NDST3: variants seen among roughly 807,000 people sequenced by gnomAD.
NDST3 encodes the protein N-deacetylase and N-sulfotransferase 3.
NDST3 carries 58 observed loss-of-function variants against 96.1 expected under a neutral mutation model. That is an observed-to-expected ratio of 0.60 (90% confidence interval 0.49 to 0.75). NDST3 has a LOEUF of 0.75. Among genes scored for constraint, NDST3 ranks in the 30% least tolerant of loss-of-function variants. NDST3 has a pLI of 0.00. For missense variants in NDST3, 788 were observed against 1,034.2 expected, an observed-to-expected ratio of 0.76 and a Z score of 3.27; for synonymous variants, 333 against 359.7, an observed-to-expected ratio of 0.93 and a Z score of 0.84.
intron 6 of NDST3, among the ~76,000 whole-genome samples, chr4:118,196,564 T>A (rs1737703177): frequency 6.6e-6 from 1 of 152,202 alleles, no homozygotes; most frequent in African/African-American, 2.4e-5. Flanking sequence ...TTCTTCATGG[T>A]TCAATCTTGG....
intron 2 of NDST3, among the ~76,000 whole-genome samples, chr4:118,057,918 A>G (rs192035849): frequency 2.6e-5 from 4 of 152,202 alleles, no homozygotes. Flanking sequence ...CAGGACTGAG[A>G]GTATTTGTTG....
chr4:118,054,041 C>G lies in NDST3; in HGVS notation c.131C>G (p.Ser44Cys). The G allele has an allele frequency of 6.2e-7, 1 of 1,612,936 alleles. No individual in the cohort carries two copies. The highest frequency in any genetic ancestry group is 8.5e-7 in the Non-Finnish European group (1 of 1,179,246). Residue 44 changes from serine to cysteine, a missense_variant, in exon 2 of 14, where the codon TCT becomes TGT. This residue lies in a region of NDST3 where 234 missense variants were observed against 256.9 expected (regional missense o/e 0.91). Coordinates refer to ENST00000296499, the MANE Select transcript of NDST3 (RefSeq NM_004784.3). ...YSGYKQENEL[S>C]ETASEVDCGD... ...GGCTACAAACAGGAAAATGAACTCT[C>G]TGAGACGGCTTCAGAAGTTGACTGT...
At chr4:118,111,285 C>G (rs1730611950) in intron 3 of NDST3, among the ~76,000 whole-genome samples, 2 of 152,182 alleles carry the variant, frequency 1.3e-5, no homozygotes, top group Non-Finnish European at 1.5e-5. Context: ...GCCCAGGTAA[C>G]AAACCTGCAT....
intron 6 of NDST3, among the ~76,000 whole-genome samples, chr4:118,146,011 G>T (rs572163659): frequency 6.6e-6 from 1 of 152,336 alleles, no homozygotes; most frequent in East Asian, 1.9e-4. Context: ...GTCTGTCTTG[G>T]AGAACAGAGT....
chr4:118,111,201 T>C (rs1404650169), intron 3 of NDST3, among the ~76,000 whole-genome samples: 1 of 152,158 alleles, frequency 6.6e-6, no homozygotes, highest in Non-Finnish European at 1.5e-5. Context: ...GTTGAAAAAC[T>C]ACCTGTTGTG....
At chr4:118,192,963 T>C (rs930741900) in intron 6 of NDST3, among the ~76,000 whole-genome samples, 5 of 152,090 alleles carry the variant, frequency 3.3e-5, no homozygotes, top group Non-Finnish European at 5.9e-5. Context: ...TTTCTTCCCA[T>C]GTCCCTAACA....
intron 6 of NDST3, chr4:118,193,779 A>T (rs1737476711): frequency 6.7e-7 from 1 of 1,486,138 alleles, no homozygotes; most frequent in Non-Finnish European, 9.2e-7. Flanking sequence ...GCAGCAGAGA[A>T]GGCCTGTAGT....
intron 6 of NDST3, among the ~76,000 whole-genome samples, chr4:118,172,556 G>A (rs1056292549): frequency 6.6e-6 from 1 of 152,060 alleles, no homozygotes; most frequent in Admixed American, 6.6e-5. Flanking sequence ...ATACATAAAT[G>A]GCAAAGTTTT....
At chr4:118,076,621 A>C (rs993356473) in intron 2 of NDST3, among the ~76,000 whole-genome samples, 10 of 152,204 alleles carry the variant, frequency 6.6e-5, no homozygotes, top group Non-Finnish European at 1.0e-4. Context: ...AAATTCTTGC[A>C]GCGAGTTTTT....
chr4:118,237,850 T>A (rs1302625521), intron 10 of NDST3, among the ~76,000 whole-genome samples: 3 of 152,136 alleles, frequency 2.0e-5, no homozygotes, highest in African/African-American at 4.8e-5. Flanking sequence ...GGCTCATGCC[T>A]GTAATCCAAG....
chr4:118,222,250 C>G (rs1019323860), intron 6 of NDST3, among the ~76,000 whole-genome samples: 1 of 151,914 alleles, frequency 6.6e-6, no homozygotes, highest in African/African-American at 2.4e-5. Context: ...AACTTTTTAA[C>G]CAAAACATTC....
intron 6 of NDST3, among the ~76,000 whole-genome samples, chr4:118,166,215 G>A (rs1411327044): frequency 6.6e-6 from 1 of 151,628 alleles, no homozygotes; most frequent in Admixed American, 6.6e-5. Flanking sequence ...GGAAATGAAA[G>A]AGAAGACATT....
At chr4:118,118,137 A>G (rs1447424946) in intron 4 of NDST3, among the ~76,000 whole-genome samples, 2 of 152,244 alleles carry the variant, frequency 1.3e-5, no homozygotes, top group Non-Finnish European at 2.9e-5. Flanking sequence ...TCAACTCACT[A>G]GATGGAACAA....
chr4:118,088,563 C>T (rs1302003083), intron 2 of NDST3, among the ~76,000 whole-genome samples: 1 of 152,012 alleles, frequency 6.6e-6, no homozygotes, highest in African/African-American at 2.4e-5. Context: ...GTCTAGTCAG[C>T]ACCTTTGCAA....
intron 13 of NDST3, among the ~76,000 whole-genome samples, chr4:118,253,962 C>T (rs757671775): frequency 2.6e-5 from 4 of 152,076 alleles, no homozygotes; most frequent in Admixed American, 1.3e-4. Flanking sequence ...TATTTTTGGC[C>T]GAGTGTGGCG....
chr4:118,162,289 C>G (rs1735214701), intron 6 of NDST3, among the ~76,000 whole-genome samples: 1 of 152,124 alleles, frequency 6.6e-6, no homozygotes, highest in Admixed American at 6.5e-5. Flanking sequence ...GCCCTCATTG[C>G]CAAGTCAATC....
intron 4 of NDST3, among the ~76,000 whole-genome samples, chr4:118,137,145 A>C (rs1733169203): frequency 6.6e-6 from 1 of 152,238 alleles, no homozygotes; most frequent in South Asian, 2.1e-4. Context: ...TGAAACTGTT[A>C]TTTGGCATGA....
chr4:118,195,448 C>G (rs944401085), intron 6 of NDST3, among the ~76,000 whole-genome samples: 1 of 152,178 alleles, frequency 6.6e-6, no homozygotes, highest in Admixed American at 6.5e-5. Flanking sequence ...GTAAGACATG[C>G]CTTTGCTTCT....
At chr4:118,085,525 T>A (rs1282103306) in intron 2 of NDST3, among the ~76,000 whole-genome samples, 2 of 152,204 alleles carry the variant, frequency 1.3e-5, no homozygotes, top group Non-Finnish European at 2.9e-5. Flanking sequence ...ATGAACACAA[T>A]ATGCAGAATG....
Sources: allele counts gnomAD v4.1 joint callset (sites outside exome capture counted in the v4.1 genomes callset), GRCh38; gene constraint gnomAD v4.1.1; regional missense constraint gnomAD v4.1.1; transcripts MANE v1.5; gene names NCBI Gene and HGNC (gene_info 2026-07-23, HGNC 2026-07-21).